Variants in MEI1 observed in about 807,000 individuals in gnomAD.
MEI1 encodes the protein meiotic double-stranded break formation protein 1.
A neutral mutation model predicts 146.2 loss-of-function variants in MEI1; 103 were observed. The observed-to-expected ratio is 0.70, with a 90% CI of 0.60 to 0.83. MEI1 has a LOEUF of 0.83. MEI1 is among the 40% of genes least tolerant of loss of function. The pLI, the probability that MEI1 is intolerant of heterozygous loss-of-function variation, is 0.00. For missense variants in MEI1, 1,529 were observed against 1,533.0 expected (o/e 1.00, Z 0.04); for synonymous variants, 652 against 628.2 (o/e 1.04, Z -0.57).
Position 41,732,456 on chromosome 22 carries a change from T to C in MEI1, c.1197-13T>C. ...AGAGTTCACCTACTCGTTTCTCATCTTCCATTTCTCAGGCAGCCAGAGGAG... is the reference window on the plus strand; with the variant it reads ...AGAGTTCACCTACTCGTTTCTCATCCTCCATTTCTCAGGCAGCCAGAGGAG... On this transcript the variant is annotated splice_polypyrimidine_tract_variant and intron_variant, in intron 10 of 30. Transcript: ENST00000401548. 1 of 1,613,830 alleles carries C rather than the reference T, an allele frequency of 6.2e-7. No individual in the cohort carries two copies. The highest frequency in any genetic ancestry group is 8.5e-7 in the Non-Finnish European group (1 of 1,179,812).
chr22:41,702,886 A>AT (rs1408570611), intron 1 of MEI1, among the ~76,000 whole-genome samples: 6 of 151,794 alleles, frequency 4.0e-5, no homozygotes, highest in Admixed American at 6.6e-5. Context: ...TGCCCGAGTA[A>AT]TTTTTTTATT....
chr22:41,722,467 A>AT (rs749033326), intron 6 of MEI1, among the ~76,000 whole-genome samples: 3,159 of 127,612 alleles, frequency 0.025, 115 homozygotes, highest in African/African-American at 0.068. Flanking sequence ...CAGCATTTTA[A>AT]TTTTTTTTTT....
intron 3 of MEI1, among the ~76,000 whole-genome samples, chr22:41,707,508 TAAAG>T: frequency 1.3e-5 from 2 of 152,220 alleles, no homozygotes; most frequent in Non-Finnish European, 2.9e-5. Context: ...ACTGCCAGGA[TAAAG>T]AAGTGCTAAG....
At position 41,784,967 on chromosome 22, in the gene MEI1, G is replaced by A. The variant is rs1047063833; in HGVS notation, c.3345+184G>A. ...TTTATTTATTTAGAGACAGAGTTTC[G>A]CTCTTGTTGCCCAGGCTGGAGTGCA... is the stretch of plus-strand genomic sequence containing the variant. On this transcript the variant is annotated intron_variant, in intron 26 of 30. Transcript: ENST00000401548. Among the ~76,000 whole-genome samples, 14 of 140,606 alleles carry A rather than the reference G, an allele frequency of 1.0e-4. 1 individual carries two copies. Among genetic ancestry groups the A allele is most frequent in the Admixed American group, 6.8e-4 (10 of 14,710 alleles). The allele number at this position is 140,606 out of a possible 152,430, so 92.2% of individuals were successfully genotyped here. A position where few individuals can be genotyped will look rare whatever the true frequency, so the allele number is the denominator to read the frequency against.
At chr22:41,720,933 GGCTAATTTTTTGAA>G (rs2070725115) in intron 6 of MEI1, among the ~76,000 whole-genome samples, 1 of 151,714 alleles carries the variant, frequency 6.6e-6, no homozygotes. Flanking sequence ...CACCACGCCC[GGCTAATTTTTTGAA>G]TTTTTTTTTT....
intron 15 of MEI1, chr22:41,752,362 TTTATC>T (rs1327035804): frequency 5.6e-6 from 3 of 531,976 alleles, no homozygotes; most frequent in Non-Finnish European, 1.0e-5. Flanking sequence ...TCTCCATACA[TTTATC>T]TTACTTAGCT....
chr22:41,742,301 G>C (rs922739129), intron 11 of MEI1, among the ~76,000 whole-genome samples: 3 of 152,012 alleles, frequency 2.0e-5, no homozygotes, highest in Non-Finnish European at 4.4e-5. Context: ...GGTTTTCCTC[G>C]TTGAGTTAAC....
chr22:41,745,809 C>A, intron 13 of MEI1, 76 bp from the exon 14 acceptor site: 2 of 1,447,922 alleles, frequency 1.4e-6, no homozygotes, highest in Non-Finnish European at 1.9e-6. Context: ...GCACTCCCCG[C>A]CACCCCCCAG....
chr22:41,797,404 G>C (rs1187569057), intron 30 of MEI1, among the ~76,000 whole-genome samples: 5 of 151,784 alleles, frequency 3.3e-5, no homozygotes, highest in African/African-American at 1.2e-4. Context: ...CTGAGGTCAG[G>C]AGTTCAAGAC....
chr22:41,781,279 TGCAGTAA>T lies in MEI1; in HGVS notation c.2816-1_2821del, dbSNP rs1416163124. The T allele has an allele frequency of 1.2e-6, 2 of 1,607,116 alleles. No individual in the cohort carries two copies. The highest frequency in any genetic ancestry group is 1.1e-5 in the South Asian group (1 of 89,716). On this transcript the variant is annotated splice_acceptor_variant and splice_polypyrimidine_tract_variant and coding_sequence_variant and intron_variant, in exon 23 of 31. Coordinates refer to ENST00000401548, the MANE Select transcript of MEI1 (RefSeq NM_152513.4). LOFTEE classifies it high-confidence loss of function. Reference sequence around the variant, plus strand: ...AGGCCGACTGGGGACTTTCATCTCTTGCAGTAAGCAAGCTGTGTGGGAAGTGCAGCCC... The same window carrying T: ...AGGCCGACTGGGGACTTTCATCTCTTGCAAGCTGTGTGGGAAGTGCAGCCC...
chr22:41,795,707 T>C lies in MEI1; in HGVS notation c.3667-28T>C, dbSNP rs1237619592. On this transcript the variant is annotated intron_variant, in intron 29 of 30. Transcript: ENST00000401548. The surrounding 1 kb of genome is among the most constrained non-coding windows in gnomAD (Gnocchi z 4.2). ...GTGTGGAATGGGCACTGAGGAGGCC[T>C]GTCTTCCCTGCCCTCTTCTCCCTGC... 6.2e-7 allele frequency: 1 copy of C among 1,605,672 alleles called. No individual in the cohort carries two copies. Among genetic ancestry groups the C allele is most frequent in the Non-Finnish European group, 8.5e-7 (1 of 1,174,388 alleles).
At chr22:41,717,963 A>T (rs2070367754) in intron 5 of MEI1, 108 bp from the exon 6 acceptor site, 1 of 925,104 alleles carries the variant, frequency 1.1e-6, no homozygotes, top group Admixed American at 2.9e-5. Context: ...TTTGTGGGGG[A>T]TTATAGGGAC....
At chr22:41,784,037 G>A (rs2075859743) in intron 24 of MEI1, among the ~76,000 whole-genome samples, 1 of 152,196 alleles carries the variant, frequency 6.6e-6, no homozygotes, top group African/African-American at 2.4e-5. Flanking sequence ...TGAGTTAGGT[G>A]TATAGTGAAC....
At chr22:41,717,311 C>T (rs7288759) in intron 5 of MEI1, among the ~76,000 whole-genome samples, 12,195 of 151,948 alleles carry the variant, frequency 0.08, 1,345 homozygotes, top group African/African-American at 0.25. Flanking sequence ...TATAGGCGTC[C>T]GCCACAACAC....
rs778628747 is a variant in MEI1 at position 41,770,893 on chromosome 22, C to T, written c.2476C>T (p.Leu826Phe). Residue 826 changes from leucine to phenylalanine, a missense_variant, in exon 20 of 31, where the codon CTT (leucine) becomes TTT (phenylalanine). By Grantham distance (22) the Leu-to-Phe change is conservative (BLOSUM62 0). Around this residue, in one of 3 missense-constraint regions of MEI1, gnomAD observed 1,212 missense variants for 1,178.9 expected, o/e 1.03. Transcript: ENST00000401548. ...TGTCACCTCTGCTGGGCAGCCCGCC[C>T]TTCCTGCCAGCTTAGTAGTCCTGTT... Reference protein sequence around the residue: ...DDVTSAGQPALPASLVVLFQL... With the variant: ...DDVTSAGQPAFPASLVVLFQL... 6.8e-6 allele frequency: 11 copies of T among 1,613,960 alleles called. No homozygotes were observed. In the Admixed American group the frequency reaches 1.3e-4, roughly 20 times the overall value.
intron 19 of MEI1, among the ~76,000 whole-genome samples, chr22:41,766,229 A>G (rs2074847775): frequency 6.7e-6 from 1 of 149,340 alleles, no homozygotes; most frequent in African/African-American, 2.5e-5. Context: ...GCTGGAGTGC[A>G]GTGGCGCGAT....
At position 41,758,382 on chromosome 22, in the gene MEI1, G is replaced by C. The variant is rs17002655; in HGVS notation, c.1969G>C (p.Glu657Gln). 3.2e-3 allele frequency: 5,162 copies of C among 1,613,454 alleles called. 159 individuals carry two copies. The African/African-American group carries it at 0.061, about 19-fold the overall frequency. ...CTCCCTAGAACTCTCTGCAGTGTCT[G>C]AGCTCCTGCAGCATGGGCTGCCCCA... ...PSKEELSAVSELLQHGLPQIS... is the reference protein window; with the variant it reads ...PSKEELSAVSQLLQHGLPQIS... Residue 657 changes from glutamate to glutamine, a missense_variant, in exon 18 of 31, where the codon GAG becomes CAG. By Grantham distance (29) the Glu-to-Gln change is conservative (BLOSUM62 2). Coordinates refer to ENST00000401548, the MANE Select transcript of MEI1 (RefSeq NM_152513.4).
intron 18 of MEI1, among the ~76,000 whole-genome samples, chr22:41,762,426 T>C (rs2074552768): frequency 6.6e-6 from 1 of 151,628 alleles, no homozygotes; most frequent in South Asian, 2.1e-4. Flanking sequence ...CCAGGCTGAA[T>C]TGCAGTAGCA....
chr22:41,771,639 A>T (rs2075188927), intron 20 of MEI1, among the ~76,000 whole-genome samples: 1 of 151,786 alleles, frequency 6.6e-6, no homozygotes, highest in Non-Finnish European at 1.5e-5. Context: ...GGGTTTCACC[A>T]GGTTGCCCAG....
Sources: allele counts gnomAD v4.1 joint callset (sites outside exome capture counted in the v4.1 genomes callset), GRCh38; gene constraint gnomAD v4.1.1; regional missense constraint gnomAD v4.1.1; non-coding constraint Gnocchi (gnomAD v3.1); transcripts MANE v1.5; gene names NCBI Gene and HGNC (gene_info 2026-07-23, HGNC 2026-07-21).